Variants in NUP153 observed in about 807,000 individuals in gnomAD.
NUP153 encodes nuclear pore complex protein Nup153.
Under a neutral mutation model 134.6 loss-of-function variants are expected in NUP153, and 27 were observed. The ratio of observed to expected loss-of-function variants is 0.20; its 90% CI spans 0.15 to 0.28. NUP153 has a LOEUF of 0.28. Among genes scored for constraint, NUP153 ranks in the 10% least tolerant of loss-of-function variants. The pLI is 1.00. For synonymous variants in NUP153, 640 were observed against 623.5 expected (o/e 1.03, Z -0.40); for missense variants, 1,821 against 1,731.3 (o/e 1.05, Z -0.92).
At position 17,674,982 on chromosome 6, in the gene NUP153, A is replaced by C. The variant is rs1479659762; in HGVS notation, c.775T>G (p.Phe259Val). ...LKTSQLGDSPFYPGKTTYGGA... is the reference protein window; with the variant it reads ...LKTSQLGDSPVYPGKTTYGGA... Reference sequence around the variant, plus strand: ...CCGTATGTTGTTTTTCCAGGATAAAAAGGAGAATCTCCAAGCTGACTGGTT... The same window carrying C: ...CCGTATGTTGTTTTTCCAGGATAAACAGGAGAATCTCCAAGCTGACTGGTT... Residue 259 changes from phenylalanine to valine, a missense_variant, in exon 5 of 22, where the codon TTT becomes GTT. Phe to Val is a conservative substitution (Grantham distance 50). Transcript: ENST00000262077. The C allele has an allele frequency of 6.2e-7, 1 of 1,613,780 alleles. No homozygotes were observed. Among genetic ancestry groups the C allele is most frequent in the Non-Finnish European group, 8.5e-7 (1 of 1,179,756 alleles).
chr6:17,679,656 G>A (rs1470942964), intron 2 of NUP153, among the ~76,000 whole-genome samples: 1 of 152,200 alleles, frequency 6.6e-6, no homozygotes, highest in African/African-American at 2.4e-5. Flanking sequence ...TGGCACTGGT[G>A]AGAGAGAACA....
chr6:17,684,840 A>C (rs556678253), intron 2 of NUP153, among the ~76,000 whole-genome samples: 1 of 152,356 alleles, frequency 6.6e-6, no homozygotes, highest in Non-Finnish European at 1.5e-5. Flanking sequence ...GGGAGAAAAG[A>C]GGGGAATAGC....
At chr6:17,671,590 A>G (rs1254394932) in intron 5 of NUP153, among the ~76,000 whole-genome samples, 2 of 152,250 alleles carry the variant, frequency 1.3e-5, no homozygotes, top group East Asian at 1.9e-4. Context: ...TGAACACTAC[A>G]AAACACTGAT....
chr6:17,662,131 C>A, intron 9 of NUP153, 61 bp from the exon 10 acceptor site: 3 of 1,394,504 alleles, frequency 2.2e-6, no homozygotes, highest in Non-Finnish European at 3.0e-6. Flanking sequence ...CTTAGTACCA[C>A]CTTGCTTCCT....
chr6:17,665,717 G>GTTTTTT (rs770751126), intron 8 of NUP153, among the ~76,000 whole-genome samples: 1 of 147,730 alleles, frequency 6.8e-6, no homozygotes, highest in Non-Finnish European at 1.5e-5. Flanking sequence ...ACCTTTTACA[G>GTTTTTT]TTTTTTGTTT....
In NUP153 at chr6:17,616,000, G is replaced by T. The variant is rs890687338; in HGVS notation, c.*97C>A. ...CCAAAATTAAAGAAGTCCTTAGGCA[G>T]ATCTGACTTCAGATAACCCCAGCAC... On this transcript the variant is annotated 3_prime_UTR_variant, in exon 22 of 22. Transcript: ENST00000262077. The surrounding 1 kb of genome is among the most constrained non-coding windows in gnomAD (Gnocchi z 5.7). 1 of 870,220 alleles carries T rather than the reference G, an allele frequency of 1.1e-6. No individual in the cohort carries two copies. 53.9% of individuals were successfully genotyped at this position (870,220 alleles called of 1,614,324 possible).
intron 9 of NUP153, 40 bp downstream of exon 9, chr6:17,665,199 A>T: frequency 6.8e-7 from 1 of 1,471,652 alleles, no homozygotes; most frequent in South Asian, 1.2e-5. Context: ...ACTTATTCTA[A>T]TCAATATTCA....
intron 12 of NUP153, among the ~76,000 whole-genome samples, 173 bp downstream of exon 12, chr6:17,648,990 C>A (rs1213556928): frequency 6.6e-6 from 1 of 152,048 alleles, no homozygotes; most frequent in African/African-American, 2.4e-5. Flanking sequence ...TATAATGTAT[C>A]CAAGATATTT....
intron 5 of NUP153, among the ~76,000 whole-genome samples, chr6:17,673,178 C>T (rs1768017849): frequency 6.6e-6 from 1 of 152,074 alleles, no homozygotes; most frequent in South Asian, 2.1e-4. Flanking sequence ...ACCAGCCTGG[C>T]TAAGATGGTG....
At chr6:17,702,256 C>T (rs1770160490) in intron 1 of NUP153, among the ~76,000 whole-genome samples, 1 of 152,152 alleles carries the variant, frequency 6.6e-6, no homozygotes, top group South Asian at 2.1e-4. Flanking sequence ...GCCTGTAATA[C>T]CAGCACTTTG....
intron 2 of NUP153, among the ~76,000 whole-genome samples, chr6:17,686,822 T>C (rs947715155): frequency 1.4e-5 from 2 of 140,684 alleles, no homozygotes; most frequent in African/African-American, 5.3e-5. Flanking sequence ...GGCGTGCGAA[T>C]AGAGTATAAA....
intron 1 of NUP153, among the ~76,000 whole-genome samples, chr6:17,697,999 T>C (rs1029149996): frequency 2.0e-5 from 3 of 152,224 alleles, no homozygotes; most frequent in Non-Finnish European, 2.9e-5. Context: ...ACTTCAGTTC[T>C]GTTCAACTCC....
At chr6:17,656,828 C>G (rs1581713538) in intron 11 of NUP153, among the ~76,000 whole-genome samples, 1 of 152,144 alleles carries the variant, frequency 6.6e-6, no homozygotes, top group South Asian at 2.1e-4. Context: ...CTCTTCATGC[C>G]TCTTTATGGG....
chr6:17,629,335 G>T lies in NUP153; in HGVS notation c.2864C>A (p.Pro955Gln). 3 of 1,608,394 alleles carry T rather than the reference G, an allele frequency of 1.9e-6. No homozygotes were observed. The highest frequency in any genetic ancestry group is 2.5e-6 in the Non-Finnish European group (3 of 1,178,386). Reference protein sequence around the residue: ...PMSEGFKFSKPIGDFKFGVSS... With the variant: ...PMSEGFKFSKQIGDFKFGVSS... Reference sequence around the variant, plus strand: ...AACTCCAAATTTAAAATCTCCTATTGGTTTAGAAAATTTAAAGCCTTCACT... The same window carrying T: ...AACTCCAAATTTAAAATCTCCTATTTGTTTAGAAAATTTAAAGCCTTCACT... The change falls in exon 18 of 22, where the codon CCA becomes CAA. Residue 955 changes from proline (P) to glutamine (Q), a missense_variant. Pro to Gln is a moderately conservative substitution (Grantham distance 76). Coordinates refer to ENST00000262077, the MANE Select transcript of NUP153 (RefSeq NM_005124.4).
chr6:17,685,713 A>G (rs1295831518), intron 2 of NUP153, among the ~76,000 whole-genome samples: 2 of 152,202 alleles, frequency 1.3e-5, no homozygotes, highest in African/African-American at 2.4e-5. Context: ...CAGTGTTACC[A>G]GTCATGTAAA....
At chr6:17,672,269 T>C (rs1046030373) in intron 5 of NUP153, among the ~76,000 whole-genome samples, 1 of 152,114 alleles carries the variant, frequency 6.6e-6, no homozygotes, top group Non-Finnish European at 1.5e-5. Flanking sequence ...AATAAAGCCA[T>C]GTGAACTGGA....
At chr6:17,635,917 C>T (rs758184659) in intron 16 of NUP153, among the ~76,000 whole-genome samples, 5 of 152,226 alleles carry the variant, frequency 3.3e-5, no homozygotes, top group Non-Finnish European at 7.3e-5. Context: ...CAAATTACTT[C>T]CTGACTCAAA....
At position 17,626,024 on chromosome 6, in the gene NUP153, C is replaced by G; in HGVS notation, c.3685G>C (p.Gly1229Arg). The G allele has an allele frequency of 2.5e-6, 4 of 1,614,156 alleles. No homozygotes were observed. Among genetic ancestry groups the G allele is most frequent in the Non-Finnish European group, 3.4e-6 (4 of 1,180,042 alleles). ...CTGCTCACAGGATTGCTGGACTGTC[C>G]AAACACAAAGGTAGCCACAGGTGGA... ...SNPPVATFVF[G>R]QSSNPVSSSA... The change falls in exon 19 of 22, where the codon GGA (glycine) becomes CGA (arginine). Residue 1229 changes from glycine (G) to arginine (R), a missense_variant. Transcript: ENST00000262077.
intron 20 of NUP153, among the ~76,000 whole-genome samples, chr6:17,619,970 C>G (rs962632229): frequency 6.6e-6 from 1 of 151,742 alleles, no homozygotes; most frequent in African/African-American, 2.4e-5. Context: ...TGGTGGCACG[C>G]GCCTGTAATC....
Sources: allele counts gnomAD v4.1 joint callset (sites outside exome capture counted in the v4.1 genomes callset), GRCh38; gene constraint gnomAD v4.1.1; non-coding constraint Gnocchi (gnomAD v3.1); transcripts MANE v1.5; gene names NCBI Gene and HGNC (gene_info 2026-07-23, HGNC 2026-07-21).